The following USP32 variants were observed in gnomAD, a reference collection of about 807,000 sequenced individuals.
USP32 encodes ubiquitin carboxyl-terminal hydrolase 32.
A neutral mutation model predicts 204.8 loss-of-function variants in USP32; 59 were observed. The ratio of observed to expected loss-of-function variants is 0.29; its 90% CI spans 0.23 to 0.36. The LOEUF (loss-of-function observed/expected upper bound fraction) is 0.36, where lower values mean the gene tolerates loss of function less well. Ranked by LOEUF, USP32 falls within the 10% of genes least tolerant of loss-of-function variation. The pLI, the probability that USP32 is intolerant of heterozygous loss-of-function variation, is 1.00. For missense variants in USP32, 1,160 were observed against 1,946.4 expected, an observed-to-expected ratio of 0.60 and a Z score of 7.60; for synonymous variants, 517 against 678.4, an observed-to-expected ratio of 0.76 and a Z score of 3.70.
intron 12 of USP32, among the ~76,000 whole-genome samples, chr17:60,228,503 T>C (rs891584477): frequency 8.4e-5 from 12 of 143,024 alleles, no homozygotes; most frequent in East Asian, 4.1e-4. Flanking sequence ...TTCTTTTTCT[T>C]TTTTTTTTTT....
intron 9 of USP32, among the ~76,000 whole-genome samples, chr17:60,263,057 T>C (rs1460825225): frequency 1.3e-5 from 2 of 152,066 alleles, no homozygotes; most frequent in East Asian, 3.9e-4. Flanking sequence ...CAAATGATCC[T>C]CTCGCCTCAG....
At chr17:60,295,589 T>G (rs1198757755) in intron 3 of USP32, among the ~76,000 whole-genome samples, 3 of 152,216 alleles carry the variant, frequency 2.0e-5, no homozygotes, top group African/African-American at 7.2e-5. Context: ...ACCTGAATGA[T>G]CCTGTTGTCC....
At chr17:60,395,207 T>C (rs2089892963), upstream of USP32, among the ~76,000 whole-genome samples, 1 of 152,206 alleles carries the variant, frequency 6.6e-6, no homozygotes, top group African/African-American at 2.4e-5. Context: ...AAAGTAAGAT[T>C]TACAGCAGTA....
At chr17:60,237,128 A>G (rs930025291) in intron 11 of USP32, among the ~76,000 whole-genome samples, 1 of 150,186 alleles carries the variant, frequency 6.7e-6, no homozygotes, top group Non-Finnish European at 1.5e-5. Context: ...CTATCTATCT[A>G]TCTATCTATC....
intron 1 of USP32, among the ~76,000 whole-genome samples, chr17:60,391,431 G>C (rs1171280059): frequency 6.6e-6 from 1 of 152,192 alleles, no homozygotes; most frequent in African/African-American, 2.4e-5. Flanking sequence ...TAGCAGAGAG[G>C]AGCGCTTTGC....
intron 26 of USP32, among the ~76,000 whole-genome samples, chr17:60,201,458 G>A (rs1293003430): frequency 6.6e-6 from 1 of 151,860 alleles, no homozygotes; most frequent in African/African-American, 2.4e-5. Flanking sequence ...CAAAGTAGTT[G>A]TTTATAGTAT....
At chr17:60,365,289 G>C (rs1257506260) in intron 1 of USP32, among the ~76,000 whole-genome samples, 1 of 151,970 alleles carries the variant, frequency 6.6e-6, no homozygotes, top group African/African-American at 2.4e-5. Context: ...GACCAGCCTG[G>C]CCAACGTGGT....
chr17:60,274,714 T>C (rs2086801738), intron 5 of USP32, among the ~76,000 whole-genome samples: 1 of 151,926 alleles, frequency 6.6e-6, no homozygotes, highest in African/African-American at 2.4e-5. Context: ...TTTTGACAAA[T>C]GAAGTGTTTT....
At chr17:60,334,152 A>C (rs1052076801) in intron 2 of USP32, among the ~76,000 whole-genome samples, 6 of 152,210 alleles carry the variant, frequency 3.9e-5, no homozygotes, top group Admixed American at 1.3e-4. Flanking sequence ...AAAAGCAACA[A>C]GAGGTGGCCA....
intron 3 of USP32, among the ~76,000 whole-genome samples, chr17:60,301,044 A>G (rs7223111): frequency 0.21 from 32,361 of 152,198 alleles, 8,534 homozygotes; most frequent in African/African-American, 0.63. Context: ...TTATACCAGA[A>G]TAATTTCCAG....
intron 27 of USP32, among the ~76,000 whole-genome samples, chr17:60,194,972 A>G (rs929267038): frequency 6.6e-6 from 1 of 152,210 alleles, no homozygotes; most frequent in African/African-American, 2.4e-5. Flanking sequence ...TTATTGACAT[A>G]AACACTCAAG....
intron 1 of USP32, among the ~76,000 whole-genome samples, chr17:60,378,502 CACA>C (rs944079730): frequency 2.5e-4 from 38 of 152,102 alleles, no homozygotes; most frequent in Non-Finnish European, 4.1e-4. Flanking sequence ...CACCAATGTT[CACA>C]ACAACATTAT....
At chr17:60,255,393 G>A (rs1177920726) in intron 9 of USP32, 135 bp from the exon 10 acceptor site, 2 of 579,684 alleles carry the variant, frequency 3.5e-6, no homozygotes, top group Middle Eastern at 4.2e-4. Flanking sequence ...GGCCTCCTGG[G>A]TGCAAGCGAT....
chr17:60,208,549 T>A, intron 23 of USP32, 105 bp downstream of exon 23: 1 of 1,396,892 alleles, frequency 7.2e-7, no homozygotes, highest in Non-Finnish European at 9.3e-7. Flanking sequence ...ATATGCTGAC[T>A]ACCGGTCTTT....
At chr17:60,317,226 A>G (rs1298623337) in intron 2 of USP32, among the ~76,000 whole-genome samples, 2 of 151,920 alleles carry the variant, frequency 1.3e-5, no homozygotes, top group African/African-American at 4.8e-5. Flanking sequence ...AAAGGTGATT[A>G]AAATGGGCCA....
chr17:60,304,669 T>C (rs1176926967), intron 2 of USP32, among the ~76,000 whole-genome samples: 1 of 152,218 alleles, frequency 6.6e-6, no homozygotes, highest in Non-Finnish European at 1.5e-5. Flanking sequence ...ATTGGAAGTA[T>C]ACTGTTGTAT....
intron 2 of USP32, among the ~76,000 whole-genome samples, chr17:60,332,871 T>C (rs2088424167): frequency 6.6e-6 from 1 of 152,202 alleles, no homozygotes; most frequent in African/African-American, 2.4e-5. Context: ...CATATACCAA[T>C]AGAGCTTCCT....
At chr17:60,253,262 T>G (rs1200083244) in intron 10 of USP32, among the ~76,000 whole-genome samples, 4 of 152,128 alleles carry the variant, frequency 2.6e-5, no homozygotes, top group Non-Finnish European at 5.9e-5. Context: ...GATTATGAGA[T>G]AAAGAGTACA....
intron 5 of USP32, among the ~76,000 whole-genome samples, chr17:60,284,130 T>C (rs753613765): frequency 4.9e-4 from 74 of 151,936 alleles, no homozygotes; most frequent in Non-Finnish European, 9.3e-4. Context: ...AAAACAATCA[T>C]TAGGAATTAG....
Sources: gnomAD v4.1 joint callset for allele counts (sites outside exome capture counted in the v4.1 genomes callset) on GRCh38, gnomAD v4.1.1 for gene constraint, MANE v1.5 for transcripts, NCBI Gene and HGNC (gene_info 2026-07-23, HGNC 2026-07-21) for gene names.